RNLS: variants seen among roughly 807,000 people sequenced by gnomAD.
RNLS encodes renalase, FAD dependent amine oxidase, also known as renalase.
A neutral mutation model predicts 39.8 loss-of-function variants in RNLS; 39 were observed. The ratio of observed to expected loss-of-function variants is 0.98; its 90% CI spans 0.76 to 1.28. The LOEUF is 1.28. Among genes scored for constraint, RNLS ranks in the 50% most tolerant of loss-of-function variants. The pLI is 0.00. For missense variants in RNLS, 410 were observed against 413.3 expected (o/e 0.99, Z 0.07); for synonymous variants, 147 against 150.7 (o/e 0.98, Z 0.18).
At chr10:88,546,202 T>C (rs1848302327) in intron 4 of RNLS, among the ~76,000 whole-genome samples, 1 of 152,066 alleles carries the variant, frequency 6.6e-6, no homozygotes, top group Non-Finnish European at 1.5e-5. Context: ...TCTTTAAGTA[T>C]CATAAGTATG....
At chr10:88,514,495 C>A (rs935300261) in intron 4 of RNLS, among the ~76,000 whole-genome samples, 4 of 152,056 alleles carry the variant, frequency 2.6e-5, no homozygotes, top group Non-Finnish European at 5.9e-5. Flanking sequence ...AGGCACAATG[C>A]TGTACAGCCA....
chr10:88,464,504 C>T (rs1247518867), intron 4 of RNLS, among the ~76,000 whole-genome samples: 1 of 152,084 alleles, frequency 6.6e-6, no homozygotes, highest in African/African-American at 2.4e-5. Flanking sequence ...AGTTGTACTA[C>T]ATAAAGTGAC....
At chr10:88,504,718 C>T (rs769938591) in intron 4 of RNLS, among the ~76,000 whole-genome samples, 38 of 151,858 alleles carry the variant, frequency 2.5e-4, no homozygotes, top group Non-Finnish European at 1.0e-4. Flanking sequence ...CTACTAAATT[C>T]GAAGAACAAT....
At chr10:88,222,466 G>A in the RNLS span, among the ~76,000 whole-genome samples, 1 of 152,060 alleles carries the variant, frequency 6.6e-6, no homozygotes, top group Admixed American at 6.6e-5. Flanking sequence ...CCCCTGACAA[G>A]TTACTTTCTC....
At chr10:88,344,181 T>A (rs1020816331) in intron 5 of RNLS, among the ~76,000 whole-genome samples, 1 of 152,228 alleles carries the variant, frequency 6.6e-6, no homozygotes, top group Admixed American at 6.5e-5. Flanking sequence ...TGCAGTTGCA[T>A]AATTGGGTTC....
chr10:88,208,320 G>C, the RNLS span, among the ~76,000 whole-genome samples: 3 of 151,990 alleles, frequency 2.0e-5, no homozygotes, highest in East Asian at 5.8e-4. Context: ...AAGCTCTGTT[G>C]TAATCTCAGT....
At chr10:88,495,663 G>A (rs959283693) in intron 4 of RNLS, among the ~76,000 whole-genome samples, 44 of 152,200 alleles carry the variant, frequency 2.9e-4, no homozygotes, top group African/African-American at 9.1e-4. Flanking sequence ...AGAGAGAGCA[G>A]TGTATTGAGA....
chr10:88,197,299 C>T, the RNLS span, among the ~76,000 whole-genome samples: 1 of 152,172 alleles, frequency 6.6e-6, no homozygotes, highest in Admixed American at 6.6e-5. Context: ...TAAATAAAGA[C>T]TGTTTTCTTT....
chr10:88,227,238 C>T, the RNLS span, among the ~76,000 whole-genome samples: 1 of 152,138 alleles, frequency 6.6e-6, no homozygotes, highest in Non-Finnish European at 1.5e-5. Flanking sequence ...CATCCTTAGC[C>T]TAGATACAGC....
chr10:88,228,421 C>T, the RNLS span, among the ~76,000 whole-genome samples: 1 of 152,170 alleles, frequency 6.6e-6, no homozygotes, highest in Non-Finnish European at 1.5e-5. Flanking sequence ...TTTTCCCTGC[C>T]TCAGTCCAGA....
rs184143042 is a variant in RNLS at position 88,324,274 on chromosome 10, C to T, written c.701-9633G>A. On this transcript the variant is annotated intron_variant, in intron 5 of 6. Transcript: ENST00000331772. ...AAAAAATCATTTTATCAAGAAGACA[C>T]CTGCACACGTACGTTCACTGCAGCA... 1.5e-3 allele frequency among the ~76,000 whole-genome samples: 224 copies of T among 152,118 alleles called. 1 individual carries two copies. Among genetic ancestry groups the T allele is most frequent in the Non-Finnish European group, 6.5e-4 (44 of 67,966 alleles).
intron 6 of RNLS, among the ~76,000 whole-genome samples, chr10:88,308,378 C>T (rs1403836922): frequency 2.0e-5 from 3 of 151,944 alleles, no homozygotes; most frequent in Non-Finnish European, 4.4e-5. Flanking sequence ...TTTTTGCAAA[C>T]TATGCATCTG....
intron 4 of RNLS, among the ~76,000 whole-genome samples, chr10:88,518,148 G>C (rs980303826): frequency 1.3e-5 from 2 of 151,680 alleles, no homozygotes; most frequent in African/African-American, 4.8e-5. Context: ...TAATCCAACA[G>C]CTTAAATAAA....
At chr10:88,417,931 T>C (rs1289148440) in intron 4 of RNLS, among the ~76,000 whole-genome samples, 19 of 152,204 alleles carry the variant, frequency 1.2e-4, no homozygotes, top group Admixed American at 1.2e-3. Context: ...CTATGTTGTA[T>C]AATTACTCAC....
chr10:88,445,908 G>C (rs1842006383), intron 4 of RNLS, among the ~76,000 whole-genome samples: 1 of 152,114 alleles, frequency 6.6e-6, no homozygotes, highest in Non-Finnish European at 1.5e-5. Context: ...AGATCAACAA[G>C]ACAGAAAGTT....
chr10:88,347,665 C>T (rs964121135), intron 5 of RNLS, among the ~76,000 whole-genome samples: 1 of 152,082 alleles, frequency 6.6e-6, no homozygotes, highest in Non-Finnish European at 1.5e-5. Flanking sequence ...CAGAACCATA[C>T]TGAGGTTGTA....
intron 6 of RNLS, among the ~76,000 whole-genome samples, chr10:88,311,476 G>T (rs1845378981): frequency 6.6e-6 from 1 of 152,196 alleles, no homozygotes; most frequent in African/African-American, 2.4e-5. Context: ...CAAAAAGTCT[G>T]CCATTGCTTT....
At chr10:88,325,742 A>C (rs1484903582) in intron 5 of RNLS, among the ~76,000 whole-genome samples, 1 of 152,174 alleles carries the variant, frequency 6.6e-6, no homozygotes, top group Non-Finnish European at 1.5e-5. Flanking sequence ...TGGTCTCTCT[A>C]TGATTGACAT....
intron 4 of RNLS, among the ~76,000 whole-genome samples, chr10:88,449,376 T>G (rs1842235393): frequency 6.6e-6 from 1 of 152,234 alleles, no homozygotes; most frequent in South Asian, 2.1e-4. Flanking sequence ...AATAAAACTC[T>G]TTTCCACGTG....
Sources: allele counts gnomAD v4.1 joint callset (sites outside exome capture counted in the v4.1 genomes callset), GRCh38; gene constraint gnomAD v4.1.1; transcripts MANE v1.5; gene names NCBI Gene and HGNC (gene_info 2026-07-23, HGNC 2026-07-21).